The following ROBO1 variants were observed in gnomAD, a reference collection of about 807,000 sequenced individuals.
ROBO1 encodes roundabout guidance receptor 1.
ROBO1 carries 149 observed loss-of-function variants against 195.9 expected under a neutral mutation model. The observed-to-expected ratio is 0.76, with a 90% CI of 0.67 to 0.87. The LOEUF is 0.87. Among genes scored for constraint, ROBO1 ranks in the 40% least tolerant of loss-of-function variants. The pLI, the probability that ROBO1 is intolerant of heterozygous loss-of-function variation, is 0.00. For synonymous variants in ROBO1, 816 were observed against 733.2 expected, an observed-to-expected ratio of 1.11 and a Z score of -1.82; for missense variants, 1,933 against 2,068.3, an observed-to-expected ratio of 0.93 and a Z score of 1.27.
At chr3:79,071,342 G>T (rs2079085202) in intron 3 of ROBO1, among the ~76,000 whole-genome samples, 1 of 150,372 alleles carries the variant, frequency 6.7e-6, no homozygotes. Context: ...TATCACTTTG[G>T]TTTTCTTCTT....
chr3:79,492,795 T>C (rs889444266), intron 2 of ROBO1, among the ~76,000 whole-genome samples: 3 of 152,096 alleles, frequency 2.0e-5, no homozygotes, highest in Admixed American at 2.0e-4. Flanking sequence ...CTAATTCTAC[T>C]GGAATTAATG....
chr3:78,958,786 G>T (rs1257760748), intron 3 of ROBO1, among the ~76,000 whole-genome samples: 2 of 150,362 alleles, frequency 1.3e-5, no homozygotes, highest in South Asian at 4.2e-4. Flanking sequence ...TCAGTCCCAG[G>T]TAAACCAGGA....
At chr3:79,459,829 T>C (rs1314958164) in intron 2 of ROBO1, among the ~76,000 whole-genome samples, 1 of 152,126 alleles carries the variant, frequency 6.6e-6, no homozygotes, top group African/African-American at 2.4e-5. Context: ...ATAAGGTACT[T>C]TGACCCGGAA....
chr3:78,721,129 C>T (rs370748895), intron 5 of ROBO1, among the ~76,000 whole-genome samples: 3 of 151,924 alleles, frequency 2.0e-5, no homozygotes, highest in South Asian at 2.1e-4. Context: ...TTTGGCTATA[C>T]GAGTTGTACA....
chr3:79,240,006 A>AT (rs2082482804), intron 2 of ROBO1, among the ~76,000 whole-genome samples: 2 of 152,288 alleles, frequency 1.3e-5, no homozygotes, highest in South Asian at 2.1e-4. Context: ...AATCAAACTA[A>AT]TTAACATATC....
intron 1 of ROBO1, among the ~76,000 whole-genome samples, chr3:79,737,670 C>T (rs990029241): frequency 6.3e-5 from 9 of 143,908 alleles, no homozygotes; most frequent in African/African-American, 2.3e-4. Flanking sequence ...AAAAAAAATC[C>T]CACCTGTGTG....
At chr3:78,924,845 T>C (rs1213614799) in intron 4 of ROBO1, among the ~76,000 whole-genome samples, 1 of 152,136 alleles carries the variant, frequency 6.6e-6, no homozygotes, top group Non-Finnish European at 1.5e-5. Context: ...TAATTAAATA[T>C]TTAGAGTCTT....
chr3:78,752,555 A>G (rs1287011852), intron 4 of ROBO1, among the ~76,000 whole-genome samples: 1 of 152,180 alleles, frequency 6.6e-6, no homozygotes, highest in East Asian at 1.9e-4. Flanking sequence ...CACTGCCCAG[A>G]AGAACGAAGT....
intron 2 of ROBO1, among the ~76,000 whole-genome samples, chr3:79,530,176 T>G (rs1356780818): frequency 6.6e-6 from 1 of 152,192 alleles, no homozygotes; most frequent in Non-Finnish European, 1.5e-5. Flanking sequence ...ACATACTTTT[T>G]CTAAAACAGA....
At chr3:79,144,598 T>C (rs537574272) in intron 2 of ROBO1, among the ~76,000 whole-genome samples, 8 of 152,132 alleles carry the variant, frequency 5.3e-5, no homozygotes, top group African/African-American at 1.9e-4. Context: ...TGAAGAGGAA[T>C]GAAGAATACT....
rs2040332204 is a variant in ROBO1 at position 78,944,840 on chromosome 3, A to T, written c.173-5913T>A. On this transcript the variant is annotated intron_variant, in intron 3 of 30. Transcript: ENST00000464233. ...AATACTGCGCTTTTCCAATGGACTTAAAAAACGGCACACCAGGAGATTATA... is the reference window on the plus strand; with the variant it reads ...AATACTGCGCTTTTCCAATGGACTTTAAAAACGGCACACCAGGAGATTATA... 3.3e-5 allele frequency among the ~76,000 whole-genome samples: 5 copies of T among 152,302 alleles called. No homozygotes were observed. The South Asian group carries it at 1.0e-3, about 32-fold the overall frequency.
intron 3 of ROBO1, among the ~76,000 whole-genome samples, chr3:79,102,761 G>C (rs1160903278): frequency 6.6e-6 from 1 of 151,830 alleles, no homozygotes; most frequent in Non-Finnish European, 1.5e-5. Flanking sequence ...TATGTCCAAA[G>C]AGAGAAGCAC....
At chr3:78,975,152 G>T (rs1410826755) in intron 3 of ROBO1, among the ~76,000 whole-genome samples, 4 of 152,040 alleles carry the variant, frequency 2.6e-5, no homozygotes, top group Admixed American at 1.3e-4. Context: ...AAGGAAACGG[G>T]TCCTGCCTCT....
At chr3:79,384,141 A>G (rs1299894398) in intron 2 of ROBO1, among the ~76,000 whole-genome samples, 4 of 152,022 alleles carry the variant, frequency 2.6e-5, no homozygotes, top group Non-Finnish European at 5.9e-5. Context: ...TTAACTTGAC[A>G]TTTAACAACA....
At chr3:79,220,267 A>C (rs1329727654) in intron 2 of ROBO1, among the ~76,000 whole-genome samples, 1 of 152,092 alleles carries the variant, frequency 6.6e-6, no homozygotes, top group East Asian at 1.9e-4. Context: ...AGGGCAAAAA[A>C]GAAAAAAGAA....
At chr3:79,624,411 T>C (rs542449821) in intron 1 of ROBO1, among the ~76,000 whole-genome samples, 3 of 151,984 alleles carry the variant, frequency 2.0e-5, no homozygotes, top group Non-Finnish European at 4.4e-5. Flanking sequence ...GCAAATTGGA[T>C]ACAGATTTAA....
At chr3:79,329,788 G>A (rs7618575) in intron 2 of ROBO1, among the ~76,000 whole-genome samples, 46,596 of 151,970 alleles carry the variant, frequency 0.31, 9,604 homozygotes, top group African/African-American at 0.59. Context: ...CTCAAGCAAC[G>A]TATTAATACT....
At chr3:79,020,952 G>A (rs2108272780) in intron 3 of ROBO1, among the ~76,000 whole-genome samples, 1 of 152,174 alleles carries the variant, frequency 6.6e-6, no homozygotes, top group Middle Eastern at 3.4e-3. Flanking sequence ...TTTCAGGTGA[G>A]CACATTCATT....
chr3:79,274,961 A>AGAT, intron 2 of ROBO1, among the ~76,000 whole-genome samples: 1 of 152,204 alleles, frequency 6.6e-6, no homozygotes, highest in Non-Finnish European at 1.5e-5. Flanking sequence ...AAACAGACTG[A>AGAT]TAACAAGTAC....
Sources: allele counts gnomAD v4.1 joint callset (sites outside exome capture counted in the v4.1 genomes callset), GRCh38; gene constraint gnomAD v4.1.1; transcripts MANE v1.5; gene names NCBI Gene and HGNC (gene_info 2026-07-23, HGNC 2026-07-21).